Variants in LRMDA observed in about 807,000 individuals in gnomAD.
LRMDA encodes leucine-rich melanocyte differentiation-associated protein.
Under a neutral mutation model 29.8 loss-of-function variants are expected in LRMDA, and 18 were observed. The observed-to-expected ratio is 0.60, with a 90% CI of 0.42 to 0.90. The LOEUF (loss-of-function observed/expected upper bound fraction) is 0.90, where lower values mean the gene tolerates loss of function less well. LRMDA is among the 40% of genes least tolerant of loss of function. LRMDA has a pLI of 0.00. For missense variants in LRMDA, 273 were observed against 273.9 expected (o/e 1.00, Z 0.02); for synonymous variants, 125 against 109.4 (o/e 1.14, Z -0.89).
intron 2 of LRMDA, among the ~76,000 whole-genome samples, chr10:75,648,205 G>T (rs962978199): frequency 4.6e-5 from 7 of 152,268 alleles, no homozygotes; most frequent in Admixed American, 2.0e-4. Context: ...AACAGATGAG[G>T]ATAACAAGGC....
At chr10:75,777,905 A>G (rs1490440036) in intron 2 of LRMDA, among the ~76,000 whole-genome samples, 2 of 152,226 alleles carry the variant, frequency 1.3e-5, no homozygotes, top group Admixed American at 1.3e-4. Context: ...TATAATGCAC[A>G]TATATGCTAT....
intron 6 of LRMDA, among the ~76,000 whole-genome samples, chr10:76,461,743 A>C (rs547873174): frequency 4.8e-4 from 73 of 152,224 alleles, no homozygotes; most frequent in Middle Eastern, 3.4e-3. Context: ...TGATACTCAA[A>C]GGGTGTTTTA....
At chr10:76,041,392 T>G (rs1848335901) in intron 3 of LRMDA, among the ~76,000 whole-genome samples, 1 of 152,230 alleles carries the variant, frequency 6.6e-6, no homozygotes, top group African/African-American at 2.4e-5. Context: ...AAATCCAGAC[T>G]CTATCATGTA....
intron 6 of LRMDA, among the ~76,000 whole-genome samples, chr10:76,492,366 A>T (rs1372864143): frequency 6.6e-6 from 1 of 151,920 alleles, no homozygotes; most frequent in Admixed American, 6.6e-5. Flanking sequence ...GTTTGATGAG[A>T]TTTGAGTGTT....
At chr10:76,370,042 A>T (rs746233085) in intron 6 of LRMDA, among the ~76,000 whole-genome samples, 1 of 152,156 alleles carries the variant, frequency 6.6e-6, no homozygotes, top group Admixed American at 6.6e-5. Context: ...AGCAATAATG[A>T]GGTCCCATAA....
intron 2 of LRMDA, among the ~76,000 whole-genome samples, chr10:75,518,047 AG>A (rs1477074737): frequency 2.0e-5 from 3 of 152,174 alleles, no homozygotes; most frequent in Non-Finnish European, 4.4e-5. Context: ...CCAGGGATGA[AG>A]CCCACTTGAT....
At chr10:76,477,531 C>A (rs1842687990) in intron 6 of LRMDA, among the ~76,000 whole-genome samples, 1 of 152,058 alleles carries the variant, frequency 6.6e-6, no homozygotes, top group Non-Finnish European at 1.5e-5. Flanking sequence ...TGACTTTCTT[C>A]ACAGAATTGG....
chr10:75,893,249 C>T (rs1845524828), intron 2 of LRMDA, among the ~76,000 whole-genome samples: 1 of 152,068 alleles, frequency 6.6e-6, no homozygotes, highest in Non-Finnish European at 1.5e-5. Flanking sequence ...TCAGTGGGTG[C>T]TAGGCATATA....
intron 2 of LRMDA, among the ~76,000 whole-genome samples, chr10:75,707,628 T>C (rs1474413590): frequency 2.0e-5 from 3 of 152,192 alleles, no homozygotes. Flanking sequence ...CCTTTGAGGC[T>C]GCGAGAGAGC....
chr10:75,745,049 C>A (rs887009626), intron 2 of LRMDA, among the ~76,000 whole-genome samples: 1 of 152,212 alleles, frequency 6.6e-6, no homozygotes, highest in Non-Finnish European at 1.5e-5. Context: ...AATGTGTCCT[C>A]TTTGCTATGT....
At chr10:75,966,149 A>C (rs904585427) in intron 2 of LRMDA, among the ~76,000 whole-genome samples, 1 of 152,156 alleles carries the variant, frequency 6.6e-6, no homozygotes, top group South Asian at 2.1e-4. Context: ...GAAAATTTAA[A>C]TGTTTATCTG....
At chr10:76,277,792 G>C (rs1010712663) in intron 5 of LRMDA, among the ~76,000 whole-genome samples, 2 of 152,196 alleles carry the variant, frequency 1.3e-5, no homozygotes, top group African/African-American at 4.8e-5. Flanking sequence ...TGTAGCTTCA[G>C]AAAATGGGGT....
At chr10:76,262,684 A>G (rs1419719092) in intron 5 of LRMDA, among the ~76,000 whole-genome samples, 1 of 152,198 alleles carries the variant, frequency 6.6e-6, no homozygotes, top group African/African-American at 2.4e-5. Context: ...CTTCTCCTGT[A>G]CAGATTCTTT....
chr10:76,254,342 T>TA (rs71024595), intron 5 of LRMDA, among the ~76,000 whole-genome samples: 1 of 139,778 alleles, frequency 7.2e-6, no homozygotes, highest in African/African-American at 2.6e-5. Flanking sequence ...TACCATACCA[T>TA]CCTATCCTAT....
At chr10:76,363,168 AGAAAGAAAGGAGGGAGG>A (rs1564520624) in intron 6 of LRMDA, among the ~76,000 whole-genome samples, 2 of 25,738 alleles carry the variant, frequency 7.8e-5, no homozygotes, top group African/African-American at 2.8e-4. Context: ...AAAGAAAGAA[AGAAAGAAAGGAGGGAGG>A]GAGGGAGGGA....
At chr10:75,565,600 A>G (rs1840361561) in intron 2 of LRMDA, among the ~76,000 whole-genome samples, 1 of 152,206 alleles carries the variant, frequency 6.6e-6, no homozygotes, top group Admixed American at 6.5e-5. Context: ...GCATTGTGGG[A>G]GGAGCCCTCT....
At chr10:76,165,973 T>C (rs1850732452) in intron 5 of LRMDA, among the ~76,000 whole-genome samples, 1 of 152,176 alleles carries the variant, frequency 6.6e-6, no homozygotes, top group South Asian at 2.1e-4. Flanking sequence ...GTATGGTTCT[T>C]GCCCTTCTAG....
chr10:75,938,139 G>A (rs901986046), intron 2 of LRMDA, among the ~76,000 whole-genome samples: 37 of 152,298 alleles, frequency 2.4e-4, no homozygotes, highest in Admixed American at 2.6e-4. Flanking sequence ...AGGCTCTCTT[G>A]TTAGGTGAAA....
intron 1 of LRMDA, among the ~76,000 whole-genome samples, chr10:75,435,356 T>A (rs752820327): frequency 6.6e-6 from 1 of 152,240 alleles, no homozygotes. Context: ...AGAGGTAATG[T>A]CTTCCCTCAG....
Sources: gnomAD v4.1 joint callset for allele counts (sites outside exome capture counted in the v4.1 genomes callset) on GRCh38, gnomAD v4.1.1 for gene constraint, MANE v1.5 for transcripts, NCBI Gene and HGNC (gene_info 2026-07-23, HGNC 2026-07-21) for gene names.